RIMS2: variants seen among roughly 807,000 people sequenced by gnomAD.
RIMS2 encodes regulating synaptic membrane exocytosis 2, also known as regulating synaptic membrane exocytosis protein 2.
RIMS2 carries 59 observed loss-of-function variants against 174.4 expected under a neutral mutation model. The ratio of observed to expected loss-of-function variants is 0.34; its 90% confidence interval spans 0.27 to 0.42. RIMS2 has a LOEUF of 0.42. Ranked by LOEUF, RIMS2 falls within the 10% of genes least tolerant of loss-of-function variation. RIMS2 has a pLI of 1.00. For synonymous variants in RIMS2, 606 were observed against 572.5 expected (o/e 1.06, Z -0.84); for missense variants, 1,620 against 1,666.3 (o/e 0.97, Z 0.48).
At chr8:103,919,875 T>C (rs2077272118) in intron 9 of RIMS2, among the ~76,000 whole-genome samples, 1 of 151,920 alleles carries the variant, frequency 6.6e-6, no homozygotes. Context: ...AATAATAAAA[T>C]TATAATTATT....
chr8:104,197,857 TC>T (rs2099033248), intron 19 of RIMS2, among the ~76,000 whole-genome samples: 4 of 152,070 alleles, frequency 2.6e-5, no homozygotes, highest in Admixed American at 2.6e-4. Flanking sequence ...GCTAAGGGTG[TC>T]CCTAAGGCTA....
chr8:103,729,837 G>T (rs926516907), intron 2 of RIMS2, among the ~76,000 whole-genome samples: 1 of 152,024 alleles, frequency 6.6e-6, no homozygotes, highest in African/African-American at 2.4e-5. Flanking sequence ...TAATTTCCAT[G>T]TGCTCACATG....
At chr8:103,569,214 A>T (rs2092620123) in intron 1 of RIMS2, among the ~76,000 whole-genome samples, 1 of 152,076 alleles carries the variant, frequency 6.6e-6, no homozygotes, top group Non-Finnish European at 1.5e-5. Flanking sequence ...ATTTTATATG[A>T]TGTGAAATAG....
chr8:104,036,176 G>A (rs183389795), intron 19 of RIMS2, among the ~76,000 whole-genome samples: 1,601 of 149,054 alleles, frequency 0.011, 33 homozygotes, highest in African/African-American at 0.038. Flanking sequence ...TTTGAGATGG[G>A]GTCTCTCTCT....
chr8:103,928,575 A>C (rs1448094235), intron 11 of RIMS2, among the ~76,000 whole-genome samples: 3 of 151,286 alleles, frequency 2.0e-5, no homozygotes, highest in Non-Finnish European at 4.4e-5. Flanking sequence ...TTTTTTAAGT[A>C]GTATTATGCT....
At chr8:104,235,742 A>G (rs1326027116) in intron 19 of RIMS2, among the ~76,000 whole-genome samples, 1 of 152,076 alleles carries the variant, frequency 6.6e-6, no homozygotes, top group African/African-American at 2.4e-5. Flanking sequence ...GTTAAGTTGC[A>G]GACATCATGA....
At chr8:104,002,593 T>C (rs1382338387) in intron 17 of RIMS2, among the ~76,000 whole-genome samples, 2 of 152,206 alleles carry the variant, frequency 1.3e-5, no homozygotes, top group Non-Finnish European at 2.9e-5. Context: ...GCATATACTT[T>C]CAACTGGAAA....
chr8:104,001,734 C>T (rs949043430), intron 17 of RIMS2, among the ~76,000 whole-genome samples: 1 of 151,852 alleles, frequency 6.6e-6, no homozygotes. Context: ...TTTTTTTGGA[C>T]ATTTGTTGAA....
intron 17 of RIMS2, among the ~76,000 whole-genome samples, chr8:103,996,191 G>A (rs925693607): frequency 6.6e-6 from 1 of 151,834 alleles, no homozygotes; most frequent in African/African-American, 2.4e-5. Flanking sequence ...CAAATGGATA[G>A]AGATCTAGGC....
intron 19 of RIMS2, among the ~76,000 whole-genome samples, chr8:104,174,056 C>T (rs779119660): frequency 3.8e-4 from 57 of 151,948 alleles, no homozygotes; most frequent in South Asian, 8.3e-4. Context: ...AAGCAATTCT[C>T]CTGCCCTAGC....
intron 16 of RIMS2, among the ~76,000 whole-genome samples, chr8:103,988,850 T>A (rs73699039): frequency 6.6e-6 from 1 of 152,250 alleles, no homozygotes; most frequent in South Asian, 2.1e-4. Context: ...AAATTTTGAC[T>A]TGTTCCCCTA....
chr8:103,927,868 G>A (rs770115940), exon 11 of RIMS2: 64 of 1,607,636 alleles, frequency 4.0e-5, no homozygotes, highest in Non-Finnish European at 4.8e-5. Flanking sequence ...GAAGAACAAC[G>A]CCTTTTGTTC....
At chr8:103,677,094 T>C (rs2096824501) in intron 1 of RIMS2, among the ~76,000 whole-genome samples, 1 of 152,214 alleles carries the variant, frequency 6.6e-6, no homozygotes, top group Non-Finnish European at 1.5e-5. Flanking sequence ...TGTTTGATGC[T>C]TTTGGGGCTT....
intron 14 of RIMS2, among the ~76,000 whole-genome samples, chr8:103,946,504 T>C (rs2083814360): frequency 6.6e-6 from 1 of 150,738 alleles, no homozygotes; most frequent in South Asian, 2.1e-4. Context: ...AACAAACAAA[T>C]GAAAAACAAA....
chr8:103,514,363 AC>A, intron 1 of RIMS2, among the ~76,000 whole-genome samples: 1 of 152,158 alleles, frequency 6.6e-6, no homozygotes, highest in East Asian at 1.9e-4. Context: ...ATGCTTCCTA[AC>A]CTTTTTCACG....
intron 19 of RIMS2, among the ~76,000 whole-genome samples, chr8:104,090,068 T>A (rs1294897021): frequency 9.0e-5 from 8 of 88,772 alleles, no homozygotes; most frequent in Non-Finnish European, 1.6e-4. Flanking sequence ...ATATATATAT[T>A]ATATATATAT....
intron 19 of RIMS2, among the ~76,000 whole-genome samples, chr8:104,235,731 G>A (rs1324699432): frequency 2.0e-5 from 3 of 151,850 alleles, no homozygotes; most frequent in African/African-American, 7.3e-5. Context: ...TTGAGCATAA[G>A]GTTAAGTTGC....
intron 19 of RIMS2, among the ~76,000 whole-genome samples, chr8:104,033,205 T>C (rs549924814): frequency 6.6e-6 from 1 of 152,106 alleles, no homozygotes; most frequent in African/African-American, 2.4e-5. Context: ...TTTTTTCAAA[T>C]CTTCAGTTCA....
intron 19 of RIMS2, among the ~76,000 whole-genome samples, chr8:104,222,194 G>A (rs549559208): frequency 2.0e-5 from 3 of 151,978 alleles, no homozygotes; most frequent in Non-Finnish European, 2.9e-5. Flanking sequence ...CTGATTTGTC[G>A]TGTCTCTCCC....
Sources: gnomAD v4.1 joint callset for allele counts (sites outside exome capture counted in the v4.1 genomes callset) on GRCh38, gnomAD v4.1.1 for gene constraint, MANE v1.5 for transcripts, NCBI Gene and HGNC (gene_info 2026-07-23, HGNC 2026-07-21) for gene names.